Variants in ANK3 observed in about 807,000 individuals in gnomAD.
ANK3 encodes the protein ankyrin 3.
In ANK3, 57 loss-of-function variants were observed where a neutral mutation model predicts 370.9. The ratio of observed to expected loss-of-function variants is 0.15; its 90% CI spans 0.12 to 0.19. The LOEUF is 0.19. ANK3 is among the 10% of genes least tolerant of loss of function. The probability of loss-of-function intolerance (pLI) is 1.00; values close to 1 mark genes in which losing one functional copy is unlikely to be tolerated. For synonymous variants in ANK3, 1,929 were observed against 1,946.3 expected (o/e 0.99, Z 0.23); for missense variants, 4,439 against 5,302.1 (o/e 0.84, Z 5.06).
At chr10:60,642,841 T>G (rs2078655197) in intron 1 of ANK3, among the ~76,000 whole-genome samples, 1 of 152,182 alleles carries the variant, frequency 6.6e-6, no homozygotes, top group South Asian at 2.1e-4. Flanking sequence ...GAAGATTTAA[T>G]AATAATTTAC....
chr10:60,697,447 T>G (rs1447362841), intron 1 of ANK3, among the ~76,000 whole-genome samples: 3 of 150,660 alleles, frequency 2.0e-5, no homozygotes, highest in African/African-American at 4.9e-5. Context: ...CATCGCCAAG[T>G]CAATCCTAAG....
chr10:60,117,674 T>TG (rs1237042649), intron 25 of ANK3, among the ~76,000 whole-genome samples: 2 of 151,920 alleles, frequency 1.3e-5, no homozygotes, highest in Admixed American at 6.6e-5. Flanking sequence ...AAAAATTAGC[T>TG]GGGCGTGGTG....
chr10:60,448,740 G>A (rs1003128964), intron 2 of ANK3, among the ~76,000 whole-genome samples: 11 of 152,230 alleles, frequency 7.2e-5, no homozygotes, highest in African/African-American at 2.7e-4. Context: ...GCTGGAAGCA[G>A]ATTCCTGCCC....
chr10:60,622,085 G>T (rs188144654), intron 1 of ANK3, among the ~76,000 whole-genome samples: 1 of 152,242 alleles, frequency 6.6e-6, no homozygotes, highest in East Asian at 1.9e-4. Flanking sequence ...ATGAAATGAG[G>T]TGATGGATGT....
intron 40 of ANK3, among the ~76,000 whole-genome samples, chr10:60,061,655 T>G (rs953207647): frequency 2.6e-5 from 4 of 152,210 alleles, no homozygotes; most frequent in Admixed American, 2.0e-4. Flanking sequence ...TTTATAAACT[T>G]AAAAAGAACC....
chr10:60,308,436 T>A (rs989170641), intron 1 of ANK3, among the ~76,000 whole-genome samples: 1 of 151,494 alleles, frequency 6.6e-6, no homozygotes, highest in South Asian at 2.1e-4. Context: ...CCAGCACGCC[T>A]GGCTAATTTT....
intron 1 of ANK3, among the ~76,000 whole-genome samples, chr10:60,725,512 C>G (rs770866413): frequency 6.6e-6 from 1 of 152,120 alleles, no homozygotes; most frequent in African/African-American, 2.4e-5. Flanking sequence ...CACCAGCACA[C>G]GCAAGGCTTC....
chr10:60,429,336 A>G (rs1202013650), intron 2 of ANK3, among the ~76,000 whole-genome samples: 1 of 152,176 alleles, frequency 6.6e-6, no homozygotes, highest in Non-Finnish European at 1.5e-5. Context: ...AAGGAAGTAA[A>G]AGGGACTTAT....
At chr10:60,297,072 C>G (rs575156966) in intron 1 of ANK3, among the ~76,000 whole-genome samples, 2 of 152,270 alleles carry the variant, frequency 1.3e-5, no homozygotes, top group South Asian at 4.1e-4. Flanking sequence ...ACAATAATCA[C>G]TGAATTACAG....
chr10:60,039,370 C>A (rs979561910), intron 43 of ANK3, among the ~76,000 whole-genome samples: 1 of 152,140 alleles, frequency 6.6e-6, no homozygotes, highest in Non-Finnish European at 1.5e-5. Context: ...TGGGGATCTT[C>A]CCTTGCCATG....
At chr10:60,241,333 G>A (rs183448223) in intron 7 of ANK3, among the ~76,000 whole-genome samples, 173 of 152,204 alleles carry the variant, frequency 1.1e-3, no homozygotes, top group Admixed American at 1.6e-3. Flanking sequence ...AAGTAAATAC[G>A]ATTGTAATTT....
intron 1 of ANK3, among the ~76,000 whole-genome samples, chr10:60,340,364 G>C (rs949520471): frequency 8.5e-5 from 13 of 152,104 alleles, no homozygotes; most frequent in African/African-American, 3.1e-4. Flanking sequence ...CTCCTAAGTA[G>C]CTGGGGCTAC....
intron 7 of ANK3, among the ~76,000 whole-genome samples, chr10:60,242,204 A>T (rs1238671125): frequency 6.6e-6 from 1 of 152,182 alleles, no homozygotes; most frequent in Non-Finnish European, 1.5e-5. Flanking sequence ...CCAATTTAGA[A>T]AAGATTTTGC....
At chr10:60,224,733 T>A (rs1217079002) in intron 8 of ANK3, among the ~76,000 whole-genome samples, 1 of 152,026 alleles carries the variant, frequency 6.6e-6, no homozygotes, top group African/African-American at 2.4e-5. Flanking sequence ...GAGAGAACTC[T>A]GCAGATAGAT....
At chr10:60,481,145 A>T (rs1272396143) in intron 2 of ANK3, among the ~76,000 whole-genome samples, 1 of 152,198 alleles carries the variant, frequency 6.6e-6, no homozygotes, top group Admixed American at 6.5e-5. Flanking sequence ...AAGATTAATC[A>T]AAGTGATCTT....
intron 23 of ANK3, among the ~76,000 whole-genome samples, chr10:60,141,558 G>A (rs1380056572): frequency 1.2e-5 from 1 of 80,880 alleles, no homozygotes; most frequent in Non-Finnish European, 2.2e-5. Context: ...CATTTCAATT[G>A]CTGTTTTTTT....
chr10:60,655,469 T>G (rs114394010), intron 1 of ANK3, among the ~76,000 whole-genome samples: 6,516 of 151,976 alleles, frequency 0.043, 179 homozygotes, highest in Middle Eastern at 0.075. Context: ...GAAAAATATT[T>G]TAAATAGAAA....
chr10:60,383,757 T>C (rs529827722), intron 1 of ANK3, among the ~76,000 whole-genome samples: 68 of 152,284 alleles, frequency 4.5e-4, no homozygotes, highest in African/African-American at 1.4e-3. Context: ...TACACAATCT[T>C]CTACCATAAA....
intron 8 of ANK3, among the ~76,000 whole-genome samples, chr10:60,225,252 GGA>G (rs2097122192): frequency 6.6e-6 from 1 of 152,020 alleles, no homozygotes; most frequent in African/African-American, 2.4e-5. Context: ...CCAAAAATTT[GGA>G]CTGTGTCCTC....
Sources: gnomAD v4.1 joint callset for allele counts (sites outside exome capture counted in the v4.1 genomes callset) on GRCh38, gnomAD v4.1.1 for gene constraint, MANE v1.5 for transcripts, NCBI Gene and HGNC (gene_info 2026-07-23, HGNC 2026-07-21) for gene names.